The following ARAP2 variants were observed in gnomAD, a reference collection of about 807,000 sequenced individuals.
ARAP2 encodes the protein arf-GAP with Rho-GAP domain, ANK repeat and PH domain-containing protein 2.
A neutral mutation model predicts 194.5 loss-of-function variants in ARAP2; 148 were observed. That is an observed-to-expected ratio of 0.76 (90% CI 0.67 to 0.87). The LOEUF (loss-of-function observed/expected upper bound fraction) is 0.87, where lower values mean the gene tolerates loss of function less well. Among genes scored for constraint, ARAP2 ranks in the 40% least tolerant of loss-of-function variants. The pLI is 0.00. For synonymous variants in ARAP2, 695 were observed against 683.5 expected, an observed-to-expected ratio of 1.02 and a Z score of -0.26; for missense variants, 2,128 against 1,989.7, an observed-to-expected ratio of 1.07 and a Z score of -1.32.
chr4:36,037,992 G>A (rs1325398725), intron 5 of ARAP2, among the ~76,000 whole-genome samples: 1 of 152,200 alleles, frequency 6.6e-6, no homozygotes, highest in African/African-American at 2.4e-5. Context: ...GCATTCGGAA[G>A]CTAGATCCTT....
At chr4:36,213,164 G>A in intron 4 of ARAP2, 79 bp downstream of exon 4, 1 of 1,080,344 alleles carries the variant, frequency 9.3e-7, no homozygotes, top group South Asian at 1.4e-5. Flanking sequence ...CAAATAGCTT[G>A]GAGAAAAATG....
At chr4:36,217,894 A>C (rs1339116410) in intron 2 of ARAP2, among the ~76,000 whole-genome samples, 1 of 151,698 alleles carries the variant, frequency 6.6e-6, no homozygotes, top group Non-Finnish European at 1.5e-5. Flanking sequence ...GATAAATATG[A>C]CAATACCCCC....
At chr4:36,168,058 A>G (rs1488577041) in intron 9 of ARAP2, among the ~76,000 whole-genome samples, 1 of 151,884 alleles carries the variant, frequency 6.6e-6, no homozygotes, top group Non-Finnish European at 1.5e-5. Flanking sequence ...GACACTTGTT[A>G]GAGACTGTGA....
At chr4:36,042,840 T>TTTCTTCTTTTTC (rs1553875217) in intron 5 of ARAP2, among the ~76,000 whole-genome samples, 32 of 145,724 alleles carry the variant, frequency 2.2e-4, no homozygotes, top group African/African-American at 7.8e-4. Flanking sequence ...AATGCGTTTT[T>TTTCTTCTTTTTC]TTCTTCTTTT....
At chr4:36,015,709 T>C (rs1322380888) in intron 7 of ARAP2, 3 of 152,332 alleles carry the variant, frequency 2.0e-5, no homozygotes, top group South Asian at 2.1e-4. Flanking sequence ...TCAAAGTTTG[T>C]TATTAGCAAA....
chr4:36,235,817 G>A (rs1752332181), intron 1 of ARAP2, among the ~76,000 whole-genome samples: 1 of 152,172 alleles, frequency 6.6e-6, no homozygotes, highest in Non-Finnish European at 1.5e-5. Flanking sequence ...GAGTGAGTGT[G>A]AGGGGTGGGG....
chr4:36,164,311 C>T (rs1734785938), intron 11 of ARAP2, among the ~76,000 whole-genome samples: 2 of 152,112 alleles, frequency 1.3e-5, no homozygotes, highest in South Asian at 2.1e-4. Context: ...CATGATCACA[C>T]ACCTAAGCTG....
intron 5 of ARAP2, among the ~76,000 whole-genome samples, chr4:36,034,705 T>C (rs1045811620): frequency 2.6e-4 from 40 of 152,132 alleles, no homozygotes; most frequent in Non-Finnish European, 5.4e-4. Flanking sequence ...CTTTTGCCTG[T>C]TCAGTATGAT....
intron 28 of ARAP2, among the ~76,000 whole-genome samples, chr4:36,086,946 C>A (rs920248406): frequency 1.3e-5 from 2 of 152,008 alleles, no homozygotes; most frequent in Non-Finnish European, 2.9e-5. Context: ...CTGTGTATTA[C>A]CCCAATTTGT....
intron 5 of ARAP2, among the ~76,000 whole-genome samples, chr4:36,023,284 A>G (rs1717326200): frequency 1.3e-5 from 2 of 152,216 alleles, no homozygotes; most frequent in African/African-American, 4.8e-5. Flanking sequence ...GGAATGGACG[A>G]GATGAATCAT....
At chr4:36,023,783 G>T (rs1717420931) in intron 5 of ARAP2, among the ~76,000 whole-genome samples, 1 of 152,154 alleles carries the variant, frequency 6.6e-6, no homozygotes, top group African/African-American at 2.4e-5. Flanking sequence ...GGGCATGAAT[G>T]CTGATGCGAA....
chr4:36,234,225 G>A (rs537411680), intron 1 of ARAP2, among the ~76,000 whole-genome samples: 1 of 152,204 alleles, frequency 6.6e-6, no homozygotes, highest in African/African-American at 2.4e-5. Context: ...GAAGTGCATT[G>A]CTCAGAGTTC....
intron 16 of ARAP2, among the ~76,000 whole-genome samples, chr4:36,150,081 T>C (rs981570425): frequency 6.6e-6 from 1 of 152,202 alleles, no homozygotes; most frequent in African/African-American, 2.4e-5. Context: ...GTCAAATATA[T>C]TACATAAATA....
intron 1 of ARAP2, 94 bp from the exon 2 acceptor site, chr4:36,229,739 CACTA>C (rs1032606372): frequency 7.7e-5 from 23 of 297,380 alleles, no homozygotes; most frequent in African/African-American, 4.7e-4. Flanking sequence ...GAAATTAGGA[CACTA>C]ACTCTCACTC....
intron 20 of ARAP2, among the ~76,000 whole-genome samples, chr4:36,131,802 G>A (rs1452392908): frequency 6.6e-6 from 1 of 151,714 alleles, no homozygotes; most frequent in East Asian, 1.9e-4. Context: ...TTCATGTATA[G>A]CTGCAAAATG....
chr4:36,100,761 TC>T (rs1716671674), intron 27 of ARAP2, among the ~76,000 whole-genome samples: 1 of 152,068 alleles, frequency 6.6e-6, no homozygotes. Flanking sequence ...TTTCTTACTT[TC>T]TTTTTTTAAT....
intron 27 of ARAP2, among the ~76,000 whole-genome samples, chr4:36,096,121 T>C (rs909410262): frequency 6.6e-6 from 1 of 151,934 alleles, no homozygotes; most frequent in Non-Finnish European, 1.5e-5. Context: ...CCCAGCACTT[T>C]GGGAGGATGG....
At chr4:36,177,730 A>C in intron 9 of ARAP2, 97 bp downstream of exon 9, 3 of 1,266,434 alleles carry the variant, frequency 2.4e-6, no homozygotes, top group Non-Finnish European at 3.2e-6. Flanking sequence ...CTAAAACAAG[A>C]CTCTATAAGT....
chr4:36,064,260 A>T (rs1345189091), downstream of ARAP2, among the ~76,000 whole-genome samples: 1 of 149,616 alleles, frequency 6.7e-6, no homozygotes, highest in Non-Finnish European at 1.5e-5. Flanking sequence ...CTGAGTCCCA[A>T]CCTCAGGTCT....
Sources: allele counts gnomAD v4.1 joint callset (sites outside exome capture counted in the v4.1 genomes callset), GRCh38; gene constraint gnomAD v4.1.1; transcripts MANE v1.5; gene names NCBI Gene and HGNC (gene_info 2026-07-23, HGNC 2026-07-21).